Variants in EYA4 observed in about 807,000 individuals in gnomAD.
EYA4 encodes the protein protein phosphatase EYA4.
In EYA4, 31 loss-of-function variants were observed where a neutral mutation model predicts 87.9. That is an observed-to-expected ratio of 0.35 (90% CI 0.27 to 0.48). EYA4 has a LOEUF of 0.48. Among genes scored for constraint, EYA4 ranks in the 20% least tolerant of loss-of-function variants. The probability of loss-of-function intolerance (pLI) is 0.99; values close to 1 mark genes in which losing one functional copy is unlikely to be tolerated. For missense variants in EYA4, 678 were observed against 761.4 expected, an observed-to-expected ratio of 0.89 and a Z score of 1.29; for synonymous variants, 263 against 270.6, an observed-to-expected ratio of 0.97 and a Z score of 0.28.
intron 3 of EYA4, among the ~76,000 whole-genome samples, chr6:133,445,540 A>G (rs1792733958): frequency 6.7e-6 from 1 of 149,080 alleles, no homozygotes; most frequent in Non-Finnish European, 1.5e-5. Flanking sequence ...TCTTTGGGCT[A>G]CTGCACAGTT....
chr6:133,433,807 G>A (rs943501804), intron 3 of EYA4, among the ~76,000 whole-genome samples: 13 of 152,208 alleles, frequency 8.5e-5, no homozygotes, highest in Non-Finnish European at 1.6e-4. Flanking sequence ...GCATTTAGGA[G>A]AAACACATGA....
chr6:133,455,093 G>A (rs1048244563), intron 5 of EYA4, among the ~76,000 whole-genome samples: 5 of 152,110 alleles, frequency 3.3e-5, no homozygotes. Context: ...ACATCATCTA[G>A]CACGTAGCAA....
At chr6:133,457,521 T>C (rs1042110337) in intron 6 of EYA4, among the ~76,000 whole-genome samples, 7 of 152,178 alleles carry the variant, frequency 4.6e-5, no homozygotes, top group African/African-American at 9.6e-5. Context: ...GTAAAAATAG[T>C]TGAGATATGT....
At position 133,374,372 on chromosome 6, in the gene EYA4, T is replaced by A. The variant is rs540260371; in HGVS notation, c.34-8020T>A. 8.5e-5 allele frequency among the ~76,000 whole-genome samples: 13 copies of A among 152,086 alleles called. No homozygotes were observed. The South Asian group carries it at 2.7e-3, about 32-fold the overall frequency. ...CCCAAACCAGGGTCCTGGAAGGCCC[T>A]CGCATTAAAGGCCAGAAATCAAGTG... On this transcript the variant is annotated intron_variant, in intron 2 of 19. Coordinates refer to ENST00000355286, the MANE Select transcript of EYA4 (RefSeq NM_004100.5).
At chr6:133,271,661 C>T (rs1776698196) in intron 1 of EYA4, among the ~76,000 whole-genome samples, 1 of 152,180 alleles carries the variant, frequency 6.6e-6, no homozygotes, top group South Asian at 2.1e-4. Context: ...AAATTGGGCA[C>T]TCAGCAGTGG....
At chr6:133,502,230 A>G (rs896523560) in intron 13 of EYA4, 2 of 152,140 alleles carry the variant, frequency 1.3e-5, no homozygotes, top group Non-Finnish European at 2.9e-5. Flanking sequence ...TATGTATAAT[A>G]TATATCAGAA....
rs567479337 is a variant in EYA4, at chr6:133,293,052, A to T, written c.33+18239A>T. Among the ~76,000 whole-genome samples the T allele has an allele frequency of 3.9e-5, 6 of 152,278 alleles. 1 individual carries two copies. The South Asian group carries it at 1.2e-3, about 32-fold the overall frequency. ...CCCAGGGGTCTCTGGCTTGCAATGT[A>T]TTCCCGTGGTCTCTTTCTCTGATCC... is the stretch of plus-strand genomic sequence containing the variant. On this transcript the variant is annotated intron_variant, in intron 2 of 19. Coordinates refer to ENST00000355286, the MANE Select transcript of EYA4 (RefSeq NM_004100.5).
chr6:133,241,334 C>T (rs1020503974), upstream of EYA4: 1 of 152,210 alleles, frequency 6.6e-6, no homozygotes, highest in East Asian at 1.9e-4. Flanking sequence ...GCGGCGCACG[C>T]TCCGGCCGTT....
intron 3 of EYA4, among the ~76,000 whole-genome samples, chr6:133,388,760 C>T (rs1046917034): frequency 6.6e-6 from 1 of 152,224 alleles, no homozygotes; most frequent in Non-Finnish European, 1.5e-5. Flanking sequence ...GGAAGGGCCT[C>T]ACAGTGGCAT....
At chr6:133,422,869 G>T (rs1790336159) in intron 3 of EYA4, among the ~76,000 whole-genome samples, 1 of 152,164 alleles carries the variant, frequency 6.6e-6, no homozygotes, top group Admixed American at 6.6e-5. Context: ...CCCTGTAAGG[G>T]CTTCCTGTCT....
At chr6:133,298,069 T>C (rs1250689831) in intron 2 of EYA4, among the ~76,000 whole-genome samples, 1 of 152,226 alleles carries the variant, frequency 6.6e-6, no homozygotes, top group Non-Finnish European at 1.5e-5. Flanking sequence ...CAGCATCTCT[T>C]TACTTTTTTC....
At chr6:133,450,687 A>G (rs1793352044) in intron 5 of EYA4, among the ~76,000 whole-genome samples, 1 of 152,004 alleles carries the variant, frequency 6.6e-6, no homozygotes, top group Non-Finnish European at 1.5e-5. Flanking sequence ...TTTGTACTTT[A>G]CTTAGTAGAG....
intron 2 of EYA4, among the ~76,000 whole-genome samples, chr6:133,370,153 C>T (rs1396637873): frequency 6.6e-6 from 1 of 152,154 alleles, no homozygotes; most frequent in Non-Finnish European, 1.5e-5. Context: ...TTCTGTAAAC[C>T]TCGACACAGT....
At chr6:133,480,488 C>T (rs1796110246) in intron 11 of EYA4, among the ~76,000 whole-genome samples, 1 of 152,158 alleles carries the variant, frequency 6.6e-6, no homozygotes, top group African/African-American at 2.4e-5. Flanking sequence ...CTCTTGAGCA[C>T]TTGTCATGTT....
At chr6:133,502,513 C>T (rs1029104621) in intron 13 of EYA4, 2 of 152,118 alleles carry the variant, frequency 1.3e-5, no homozygotes, top group Non-Finnish European at 2.9e-5. Context: ...GCTGGCAGCT[C>T]CCTCACAGCA....
At chr6:133,463,600 A>G (rs1583349230) in intron 9 of EYA4, among the ~76,000 whole-genome samples, 1 of 151,566 alleles carries the variant, frequency 6.6e-6, no homozygotes, top group African/African-American at 2.4e-5. Context: ...ATCTCAGGTG[A>G]CCCGCCCGCC....
At chr6:133,243,461 A>T (rs1774141001) in intron 1 of EYA4, among the ~76,000 whole-genome samples, 1 of 152,148 alleles carries the variant, frequency 6.6e-6, no homozygotes, top group African/African-American at 2.4e-5. Flanking sequence ...TGGGAGTCTT[A>T]GGAGCGTTTA....
At chr6:133,257,120 C>T (rs1380588328) in intron 1 of EYA4, among the ~76,000 whole-genome samples, 1 of 152,064 alleles carries the variant, frequency 6.6e-6, no homozygotes, top group Non-Finnish European at 1.5e-5. Context: ...ATATTTTCCT[C>T]CCAAGAAATT....
At chr6:133,490,327 C>T (rs968639681) in intron 13 of EYA4, among the ~76,000 whole-genome samples, 2 of 151,310 alleles carry the variant, frequency 1.3e-5, no homozygotes, top group African/African-American at 4.9e-5. Flanking sequence ...AGTAATAACA[C>T]TGAATGTAAA....
Sources: gnomAD v4.1 joint callset for allele counts (sites outside exome capture counted in the v4.1 genomes callset) on GRCh38, gnomAD v4.1.1 for gene constraint, MANE v1.5 for transcripts, NCBI Gene and HGNC (gene_info 2026-07-23, HGNC 2026-07-21) for gene names.